NPHP4: variants seen among roughly 807,000 people sequenced by gnomAD.
NPHP4 encodes nephrocystin 4.
In NPHP4, 151 loss-of-function variants were observed where a neutral mutation model predicts 155.8. The observed-to-expected ratio is 0.97, with a 90% CI of 0.85 to 1.11. The LOEUF (loss-of-function observed/expected upper bound fraction) is 1.11. Among genes scored for constraint, NPHP4 ranks in the 50% least tolerant of loss-of-function variants. The probability of loss-of-function intolerance (pLI) is 0.00; values close to 1 mark genes in which losing one functional copy is unlikely to be tolerated. For missense variants in NPHP4, 1,956 were observed against 1,925.7 expected, an observed-to-expected ratio of 1.02 and a Z score of -0.29; for synonymous variants, 845 against 816.8, an observed-to-expected ratio of 1.03 and a Z score of -0.59.
At chr1:5,966,784 C>T (rs893094511) in intron 5 of NPHP4, among the ~76,000 whole-genome samples, 4 of 152,208 alleles carry the variant, frequency 2.6e-5, no homozygotes, top group Non-Finnish European at 5.9e-5. Flanking sequence ...TCCTGTCATC[C>T]TCCAGGCAGG....
rs2102510039 is a variant in NPHP4, at chr1:5,992,276, G to A, written c.-71C>T. 1 of 152,266 alleles carries A rather than the reference G, an allele frequency of 6.6e-6. No homozygotes were observed. The highest frequency in any genetic ancestry group is 2.4e-5 in the African/African-American group (1 of 41,568). The allele number at this position is 152,266 out of a possible 1,614,324, so 9.4% of individuals were successfully genotyped here. On this transcript the variant is annotated 5_prime_UTR_variant, in exon 1 of 30. Transcript: ENST00000378156. ...ACCGACCCGCCGCGGCCGCGCCGGA[G>A]GCCACGGAGCCCACGCTTTTCAGAG...
chr1:5,984,361 C>T (rs186832179), intron 2 of NPHP4, among the ~76,000 whole-genome samples: 1 of 151,926 alleles, frequency 6.6e-6, no homozygotes, highest in African/African-American at 2.4e-5. Context: ...GGTGAAACCC[C>T]GACTCTACCA....
intron 23 of NPHP4, 195 bp from the exon 24 acceptor site, chr1:5,868,091 G>A (rs1017418356): frequency 2.9e-5 from 21 of 719,364 alleles, no homozygotes; most frequent in South Asian, 2.6e-4. Flanking sequence ...GGAGGGGACC[G>A]CTAAGCAAGG....
At chr1:5,880,875 G>GGT (rs1643212395) in intron 18 of NPHP4, 1 of 153,030 alleles carries the variant, frequency 6.5e-6, no homozygotes, top group South Asian at 2.1e-4. Context: ...CCACAACCTC[G>GGT]GTGTGGCCTT....
At position 5,978,269 on chromosome 1, in the gene NPHP4, C is replaced by T; in HGVS notation, c.279+1G>A. 2 of 1,604,408 alleles carry T rather than the reference C, an allele frequency of 1.2e-6. No homozygotes were observed. Among genetic ancestry groups the T allele is most frequent in the Non-Finnish European group, 1.7e-6 (2 of 1,175,812 alleles). ...CCCCTGCCACCATCACCAGGGCCCA[C>T]CTCATTAAAGACGATCCTGGACGGC... On this transcript the variant is annotated splice_donor_variant, in intron 3 of 29. Transcript: ENST00000378156. LOFTEE classifies it high-confidence loss of function.
chr1:5,965,853 A>G (rs1446938218), intron 5 of NPHP4, among the ~76,000 whole-genome samples: 10 of 152,142 alleles, frequency 6.6e-5, no homozygotes. Flanking sequence ...ACCTTTTGAC[A>G]TCAGAGGCCG....
intron 16 of NPHP4, among the ~76,000 whole-genome samples, chr1:5,899,943 C>A (rs896562567): frequency 2.0e-5 from 3 of 152,196 alleles, no homozygotes; most frequent in Non-Finnish European, 4.4e-5. Context: ...ACACAGACAG[C>A]AAATAAGCAC....
intron 9 of NPHP4, among the ~76,000 whole-genome samples, chr1:5,938,380 C>A (rs1557780261): frequency 6.6e-6 from 1 of 152,202 alleles, no homozygotes; most frequent in Non-Finnish European, 1.5e-5. Context: ...CAGGAAGAAC[C>A]AGGAGCCCAG....
intron 29 of NPHP4, 51 bp from the exon 30 acceptor site, chr1:5,863,456 T>C: frequency 6.3e-7 from 1 of 1,595,562 alleles, no homozygotes; most frequent in Admixed American, 1.7e-5. Context: ...TGTCCCACGC[T>C]CTCACCAGCA....
chr1:5,939,683 A>G lies in NPHP4; in HGVS notation c.1120-6354T>C, dbSNP rs142921202. Among the ~76,000 whole-genome samples the G allele has an allele frequency of 3.2e-4, 49 of 152,332 alleles. No homozygotes were observed. In the East Asian group the frequency reaches 7.5e-3, roughly 23 times the overall value. ...CCTTCCACAAGGCCTGGCTCCAGGA[A>G]GCAACCCCCACCTCAGCCACACAGT... On this transcript the variant is annotated intron_variant, in intron 9 of 29. Coordinates refer to ENST00000378156, the MANE Select transcript of NPHP4 (RefSeq NM_015102.5).
chr1:5,982,980 G>A (rs751770429), intron 2 of NPHP4, among the ~76,000 whole-genome samples: 4 of 152,160 alleles, frequency 2.6e-5, no homozygotes, highest in South Asian at 2.1e-4. Flanking sequence ...TGGGAAGAAC[G>A]TGTTCTCTAG....
chr1:5,911,324 C>T (rs1386657564), intron 11 of NPHP4, among the ~76,000 whole-genome samples: 4 of 152,192 alleles, frequency 2.6e-5, no homozygotes, highest in South Asian at 4.1e-4. Context: ...AGTGAAGCTC[C>T]ACGCCGTTCC....
chr1:5,880,509 C>T, intron 18 of NPHP4: 4 of 440,552 alleles, frequency 9.1e-6, no homozygotes, highest in East Asian at 4.2e-5. Flanking sequence ...GTGGCACTCA[C>T]AGTTCGCTGC....
chr1:5,864,392 C>T lies in NPHP4; in HGVS notation c.3942G>A (p.Gln1314=). Residue 1314 remains glutamine (Q), a synonymous_variant, in exon 28 of 30, where the codon CAG becomes CAA. Transcript: ENST00000378156. Reference sequence around the variant, plus strand: ...GGCACACGAGCCAGGAGGCCACCAGCTGGTGGCAATCCACGTCCACCAGGT... The same window carrying T: ...GGCACACGAGCCAGGAGGCCACCAGTTGGTGGCAATCCACGTCCACCAGGT... ...HLNLVDVDCH[Q]LVASWLVCLC... is the part of the protein sequence containing the mutation. 1 of 1,611,686 alleles carries T rather than the reference C, an allele frequency of 6.2e-7. No individual in the cohort carries two copies. The highest frequency in any genetic ancestry group is 8.5e-7 in the Non-Finnish European group (1 of 1,179,150).
intron 11 of NPHP4, among the ~76,000 whole-genome samples, chr1:5,912,260 C>T (rs1336769999): frequency 5.3e-5 from 8 of 152,154 alleles, no homozygotes; most frequent in Admixed American, 6.5e-5. Context: ...GACGATAGGC[C>T]GGGCACGGTG....
intron 20 of NPHP4, 42 bp from the exon 21 acceptor site, chr1:5,875,142 C>A (rs769268356): frequency 8.2e-6 from 12 of 1,470,268 alleles, no homozygotes; most frequent in Non-Finnish European, 1.1e-5. Flanking sequence ...CCCAGGCACA[C>A]TCTCCTCCAC....
In NPHP4 at chr1:5,948,253, TG is replaced by T. The variant is rs760783442; in HGVS notation, c.811-3del. The stretch of plus-strand genomic sequence containing the variant: ...ACCACCGTCCAGTGGGCCACATCCC[TG>T]GAAGAGGCACAGAAGGAATGAGCCC... On this transcript the variant is annotated splice_region_variant and splice_polypyrimidine_tract_variant and intron_variant, in intron 7 of 29. Coordinates refer to ENST00000378156, the MANE Select transcript of NPHP4 (RefSeq NM_015102.5). 15 of 1,555,324 alleles carry T rather than the reference TG, an allele frequency of 9.6e-6. No homozygotes were observed. The highest frequency in any genetic ancestry group is 1.3e-5 in the Non-Finnish European group (15 of 1,153,460).
At chr1:5,955,589 C>G (rs895727062) in intron 6 of NPHP4, among the ~76,000 whole-genome samples, 1 of 152,252 alleles carries the variant, frequency 6.6e-6, no homozygotes, top group Non-Finnish European at 1.5e-5. Flanking sequence ...CTTGCGACAA[C>G]ACAACATGAA....
chr1:5,961,929 T>A lies in NPHP4; in HGVS notation c.538A>T (p.Ile180Phe), dbSNP rs1650414549. The change falls in exon 6 of 30, where the codon ATT (isoleucine) becomes TTT (phenylalanine). Residue 180 changes from isoleucine (I) to phenylalanine (F), a missense_variant. Coordinates refer to ENST00000378156, the MANE Select transcript of NPHP4 (RefSeq NM_015102.5). Reference protein sequence around the residue: ...PAEQNRHMTLIENCSLQYTLK... With the variant: ...PAEQNRHMTLFENCSLQYTLK... ...GTGTACTGCAGGCTGCAGTTCTCAA[T>A]GAGGGTCATGTGTCTGTTTTCTGGT... 2 of 1,604,676 alleles carry A rather than the reference T, an allele frequency of 1.2e-6. No homozygotes were observed. The highest frequency in any genetic ancestry group is 1.1e-5 in the South Asian group (1 of 90,890).
Sources: allele counts gnomAD v4.1 joint callset (sites outside exome capture counted in the v4.1 genomes callset), GRCh38; gene constraint gnomAD v4.1.1; transcripts MANE v1.5; gene names NCBI Gene and HGNC (gene_info 2026-07-23, HGNC 2026-07-21).